The following OSBPL8 variants were observed in gnomAD, a reference collection of about 807,000 sequenced individuals.
OSBPL8 encodes the protein oxysterol-binding protein-related protein 8.
In OSBPL8, 59 loss-of-function variants were observed where a neutral mutation model predicts 125.5. The observed-to-expected ratio is 0.47, with a 90% confidence interval of 0.38 to 0.58. The LOEUF (loss-of-function observed/expected upper bound fraction) is 0.58, where lower values mean the gene tolerates loss of function less well. Among genes scored for constraint, OSBPL8 ranks in the 20% least tolerant of loss-of-function variants. The pLI, the probability that OSBPL8 is intolerant of heterozygous loss-of-function variation, is 0.00. For synonymous variants in OSBPL8, 330 were observed against 338.9 expected (o/e 0.97, Z 0.29); for missense variants, 758 against 1,047.8 (o/e 0.72, Z 3.82).
intron 1 of OSBPL8, among the ~76,000 whole-genome samples, chr12:76,542,966 ATTC>A (rs1163252153): frequency 6.6e-6 from 1 of 152,200 alleles, no homozygotes; most frequent in African/African-American, 2.4e-5. Flanking sequence ...TGCGAGAAAT[ATTC>A]TTTTCTCCTT....
chr12:76,493,399 G>A (rs576038771), intron 1 of OSBPL8, among the ~76,000 whole-genome samples: 2 of 152,108 alleles, frequency 1.3e-5, no homozygotes, highest in South Asian at 2.1e-4. Flanking sequence ...TCATTTTTTT[G>A]TAAGGCAGGT....
rs187117358 is a variant in OSBPL8 at position 76,510,291 on chromosome 12, A to T, written c.-67-22673T>A. On this transcript the variant is annotated intron_variant, in intron 1 of 23. Coordinates refer to ENST00000261183, the MANE Select transcript of OSBPL8 (RefSeq NM_020841.5). ...CAAGTTACTAATAAAATGCACAAAG[A>T]AAAATGTACTAAAGGTTTTCTTGAT... Among the ~76,000 whole-genome samples the T allele has an allele frequency of 6.9e-4, 105 of 152,370 alleles. 1 individual carries two copies. Among genetic ancestry groups the T allele is most frequent in the South Asian group, 3.5e-3 (17 of 4,834 alleles).
chr12:76,364,608 C>T (rs1952339995), intron 21 of OSBPL8, among the ~76,000 whole-genome samples: 1 of 152,026 alleles, frequency 6.6e-6, no homozygotes, highest in African/African-American at 2.4e-5. Flanking sequence ...ATGTAACAAA[C>T]CTGCACATTC....
intron 8 of OSBPL8, 95 bp from the exon 9 acceptor site, chr12:76,394,824 A>T: frequency 3.7e-6 from 3 of 811,194 alleles, no homozygotes; most frequent in Non-Finnish European, 5.4e-6. Context: ...AATCTAAATC[A>T]GGTATGGATT....
chr12:76,530,174 A>T (rs936516629), intron 1 of OSBPL8, among the ~76,000 whole-genome samples: 1 of 151,068 alleles, frequency 6.6e-6, no homozygotes, highest in African/African-American at 2.4e-5. Flanking sequence ...AGCCTTACTC[A>T]GCCTCCCAAG....
At chr12:76,448,224 C>T (rs189480474) in intron 4 of OSBPL8, among the ~76,000 whole-genome samples, 30 of 152,278 alleles carry the variant, frequency 2.0e-4, no homozygotes, top group African/African-American at 6.5e-4. Context: ...TAACTCCTTA[C>T]ATCTATACAA....
intron 1 of OSBPL8, among the ~76,000 whole-genome samples, chr12:76,512,226 C>G (rs1391333879): frequency 6.6e-6 from 1 of 152,190 alleles, no homozygotes; most frequent in Non-Finnish European, 1.5e-5. Context: ...CATGCAGTAT[C>G]TGTTTTTCTG....
chr12:76,373,962 G>T (rs1241265982), intron 17 of OSBPL8, among the ~76,000 whole-genome samples: 5 of 152,078 alleles, frequency 3.3e-5, no homozygotes, highest in Admixed American at 6.6e-5. Context: ...ACAAAATTTT[G>T]ATGCTCCAAT....
At chr12:76,428,609 A>G (rs1870438192) in intron 4 of OSBPL8, among the ~76,000 whole-genome samples, 2 of 152,120 alleles carry the variant, frequency 1.3e-5, no homozygotes, top group African/African-American at 2.4e-5. Flanking sequence ...AAATCCTTAA[A>G]GCAGCAGGAT....
intron 1 of OSBPL8, among the ~76,000 whole-genome samples, chr12:76,497,153 T>C (rs1273021797): frequency 6.6e-6 from 1 of 152,144 alleles, no homozygotes; most frequent in Non-Finnish European, 1.5e-5. Flanking sequence ...TAAAGGGAGA[T>C]AGATATTGCA....
At chr12:76,541,227 C>A (rs1206175665) in intron 1 of OSBPL8, among the ~76,000 whole-genome samples, 1 of 151,992 alleles carries the variant, frequency 6.6e-6, no homozygotes, top group South Asian at 2.1e-4. Context: ...GTCTGTAATC[C>A]CAGCACTTTA....
At chr12:76,534,481 G>C (rs182779540) in intron 1 of OSBPL8, among the ~76,000 whole-genome samples, 1 of 152,138 alleles carries the variant, frequency 6.6e-6, no homozygotes, top group Admixed American at 6.5e-5. Flanking sequence ...TACCAATAAC[G>C]GGCTAAAGAA....
intron 2 of OSBPL8, among the ~76,000 whole-genome samples, chr12:76,478,929 C>CA (rs1407950077): frequency 2.0e-5 from 3 of 151,998 alleles, no homozygotes; most frequent in Non-Finnish European, 4.4e-5. Flanking sequence ...ACTAAAAATA[C>CA]AAAAAATTAG....
rs1317340225 is a variant in OSBPL8, at chr12:76,394,741, AAT to A, written c.673-14_673-13del. The A allele has an allele frequency of 2.5e-6, 4 of 1,573,280 alleles. No individual in the cohort carries two copies. Among genetic ancestry groups the A allele is most frequent in the Non-Finnish European group, 3.5e-6 (4 of 1,148,286 alleles). On this transcript the variant is annotated splice_polypyrimidine_tract_variant and intron_variant, in intron 8 of 23. Coordinates refer to ENST00000261183, the MANE Select transcript of OSBPL8 (RefSeq NM_020841.5). ...TCACCTTTTGGACCCTTAATAACAAAATAAACAAAATAAATGGTATAGAGTAA... is the reference window on the plus strand; with the variant it reads ...TCACCTTTTGGACCCTTAATAACAAAAAACAAAATAAATGGTATAGAGTAA...
chr12:76,397,607 G>C, intron 8 of OSBPL8, 87 bp downstream of exon 8: 1 of 1,287,556 alleles, frequency 7.8e-7, no homozygotes, highest in Non-Finnish European at 1.1e-6. Flanking sequence ...TCCTGGCAGA[G>C]GACTAAACTC....
intron 2 of OSBPL8, among the ~76,000 whole-genome samples, chr12:76,481,740 TA>T (rs1877519786): frequency 2.6e-5 from 4 of 152,226 alleles, no homozygotes; most frequent in Admixed American, 2.6e-4. Context: ...GTTAATTTAA[TA>T]GTATTTATAA....
In OSBPL8 at chr12:76,410,692, T is replaced by A. The variant is rs977502756; in HGVS notation, c.218-58A>T. ...ACTTTTGAACATGTATAATAAGTCA[T>A]TCATTTTCAAGTATAGACTATATTT... On this transcript the variant is annotated intron_variant, in intron 4 of 23. Transcript: ENST00000261183. The A allele has an allele frequency of 3.3e-6, 4 of 1,197,754 alleles. No individual in the cohort carries two copies. The Admixed American group carries it at 7.0e-5, about 21-fold the overall frequency. 74.2% of individuals were successfully genotyped at this position (1,197,754 alleles called of 1,614,324 possible). A position where few individuals can be genotyped will look rare whatever the true frequency, so the allele number is the denominator to read the frequency against.
chr12:76,445,093 T>C lies in OSBPL8; in HGVS notation c.217+5758A>G, dbSNP rs147938970. 2.0e-5 allele frequency among the ~76,000 whole-genome samples: 3 copies of C among 152,220 alleles called. No homozygotes were observed. In the East Asian group the frequency reaches 5.8e-4, roughly 29 times the overall value. ...TAATCTCACCAAAGTATGTAAAAAA[T>C]AATTTTCTGTTTGGTTGTTTTGTTA... is the stretch of plus-strand genomic sequence containing the variant. On this transcript the variant is annotated intron_variant, in intron 4 of 23. Coordinates refer to ENST00000261183, the MANE Select transcript of OSBPL8 (RefSeq NM_020841.5).
chr12:76,513,200 T>C (rs1262571713), intron 1 of OSBPL8, among the ~76,000 whole-genome samples: 1 of 152,162 alleles, frequency 6.6e-6, no homozygotes, highest in African/African-American at 2.4e-5. Context: ...TTGCTGAGGA[T>C]TGTTTTATAT....
Sources: allele counts gnomAD v4.1 joint callset (sites outside exome capture counted in the v4.1 genomes callset), GRCh38; gene constraint gnomAD v4.1.1; transcripts MANE v1.5; gene names NCBI Gene and HGNC (gene_info 2026-07-23, HGNC 2026-07-21).